Variants in ODF2 observed in about 807,000 individuals in gnomAD.
The protein encoded by ODF2 is outer dense fiber protein 2.
In ODF2, 47 loss-of-function variants were observed where a neutral mutation model predicts 110.2. That is an observed-to-expected ratio of 0.43 (90% CI 0.34 to 0.54). ODF2 has a LOEUF of 0.54. ODF2 is among the 20% of genes least tolerant of loss of function. The pLI is 0.03. For missense variants in ODF2, 812 were observed against 1,054.5 expected (o/e 0.77, Z 3.19); for synonymous variants, 352 against 397.7 (o/e 0.89, Z 1.37).
At chr9:128,475,707 G>A (rs1327704557) in intron 8 of ODF2, among the ~76,000 whole-genome samples, 3 of 151,558 alleles carry the variant, frequency 2.0e-5, no homozygotes, top group East Asian at 1.9e-4. Context: ...GTACAGTGGC[G>A]CGATCTCTGT....
chr9:128,495,647 G>A (rs1249678469), intron 17 of ODF2, among the ~76,000 whole-genome samples: 2 of 152,240 alleles, frequency 1.3e-5, no homozygotes, highest in Non-Finnish European at 2.9e-5. Context: ...CCAGTTAAGA[G>A]GAGGTTGAGA....
At chr9:128,469,123 G>A (rs1036141749) in intron 4 of ODF2, 60 bp from the exon 5 acceptor site, 6 of 1,531,772 alleles carry the variant, frequency 3.9e-6, no homozygotes, top group East Asian at 2.3e-5. Flanking sequence ...CTCCAGTGGT[G>A]GAACTCGTGG....
In ODF2 at chr9:128,461,025, C is replaced by T. The variant is rs752135807; in HGVS notation, c.207C>T (p.Pro69=). The T allele has an allele frequency of 3.1e-6, 5 of 1,614,138 alleles. No individual in the cohort carries two copies. In the East Asian group the frequency reaches 6.7e-5, roughly 22 times the overall value. Residue 69 remains proline (P), a synonymous_variant, in exon 4 of 21, where the codon CCC becomes CCT. Coordinates refer to ENST00000604420, the Ensembl canonical transcript of ODF2. Reference sequence around the variant, plus strand: ...TGAAAACCAAGGTACCTTGGATGCCCCCTGGAAAATCATCTGCCCGGCCTG... The same window carrying T: ...TGAAAACCAAGGTACCTTGGATGCCTCCTGGAAAATCATCTGCCCGGCCTG...
intron 4 of ODF2, among the ~76,000 whole-genome samples, chr9:128,465,566 C>A (rs963711717): frequency 2.6e-5 from 4 of 151,634 alleles, no homozygotes; most frequent in African/African-American, 9.7e-5. Flanking sequence ...CGTGGTGAAA[C>A]CCCATCTCAA....
chr9:128,472,786 G>C, intron 6 of ODF2, 127 bp from the exon 7 acceptor site: 1 of 1,446,796 alleles, frequency 6.9e-7, no homozygotes, highest in Non-Finnish European at 9.4e-7. Flanking sequence ...CAGAAGGGCT[G>C]TCCCTGCCCC....
Position 128,467,499 on chromosome 9 carries a change from C to T in ODF2, c.250-1684C>T, listed in dbSNP as rs556242543. On this transcript the variant is annotated intron_variant, in intron 4 of 20. Coordinates refer to ENST00000604420, the Ensembl canonical transcript of ODF2. ...GTGGCTCATACCTGAAATCCCAGCA[C>T]TTTGGGAGGCCAAGACGGGCTTATC... 7.2e-5 allele frequency among the ~76,000 whole-genome samples: 11 copies of T among 152,090 alleles called. No individual in the cohort carries two copies. The East Asian group carries it at 2.1e-3, about 30-fold the overall frequency.
intron 14 of ODF2, among the ~76,000 whole-genome samples, chr9:128,489,006 C>CAAAAG (rs775943996): frequency 1.3e-5 from 2 of 152,168 alleles, no homozygotes; most frequent in East Asian, 1.9e-4. Context: ...AACTCCGTCT[C>CAAAAG]AAAAGAAAAG....
exon 21 of ODF2, chr9:128,500,088 C>T (rs908210675): frequency 6.2e-6 from 10 of 1,614,126 alleles, no homozygotes; most frequent in African/African-American, 4.0e-5. Context: ...CTACCAGAGC[C>T]GGCTGCAAGA....
At chr9:128,481,418 A>G (rs1188158418) in intron 8 of ODF2, among the ~76,000 whole-genome samples, 162 bp from the exon 9 acceptor site, 1 of 151,998 alleles carries the variant, frequency 6.6e-6, no homozygotes, top group Non-Finnish European at 1.5e-5. Flanking sequence ...ACCAGGCTGC[A>G]GTGAGCCATG....
intron 10 of ODF2, among the ~76,000 whole-genome samples, chr9:128,483,112 T>A (rs1329774401): frequency 6.6e-6 from 1 of 152,082 alleles, no homozygotes; most frequent in Admixed American, 6.6e-5. Context: ...GCCAGGATGG[T>A]CTTGATCTCT....
exon 19 of ODF2, chr9:128,498,566 G>A (rs761722857): frequency 8.9e-6 from 14 of 1,567,220 alleles, no homozygotes; most frequent in Middle Eastern, 1.7e-4. Context: ...TTGAAGATGC[G>A]AGGAGGCAGG....
upstream of ODF2, chr9:128,455,283 G>A (rs1281059542): frequency 1.3e-6 from 2 of 1,504,250 alleles, no homozygotes; most frequent in Non-Finnish European, 1.8e-6. Context: ...CGGGCGCGGA[G>A]GCTCAAGCCT....
intron 8 of ODF2, among the ~76,000 whole-genome samples, chr9:128,480,559 G>A (rs1008994754): frequency 1.3e-5 from 2 of 152,238 alleles, no homozygotes; most frequent in African/African-American, 2.4e-5. Flanking sequence ...GCTCACGCCT[G>A]TAATCCCAGC....
rs188210659 is a variant in ODF2, at chr9:128,484,031, A to G, written c.1081A>G (p.Ser361Gly). 183 of 1,612,456 alleles carry G rather than the reference A, an allele frequency of 1.1e-4. No homozygotes were observed. The East Asian group carries it at 3.5e-3, about 31-fold the overall frequency. ...GCTTCGGTCCAAAGAGGCTGAGAAC[A>G]GTCGCCTGTGCATGCAGATTAAGGT... The change falls in exon 11 of 21, where the codon AGT becomes GGT. Residue 361 changes from serine to glycine, a missense_variant. Physicochemically the swap from Ser to Gly is moderately conservative, Grantham distance 56. This residue lies in a region of ODF2 where 73 missense variants were observed against 71.0 expected (regional missense o/e 1.03). Transcript: ENST00000604420.
Position 128,482,809 on chromosome 9 carries a change from C to T in ODF2, c.916-7C>T, listed in dbSNP as rs1383941985. 1 of 1,613,074 alleles carries T rather than the reference C, an allele frequency of 6.2e-7. No homozygotes were observed. The highest frequency in any genetic ancestry group is 1.3e-5 in the African/African-American group (1 of 74,816). ...AGGGGCACCTGACAGCCTGTGTTCT[C>T]TCCCAGCGCCTGCTGTTACTGCTGC... On this transcript the variant is annotated splice_region_variant and splice_polypyrimidine_tract_variant and intron_variant, in intron 9 of 20. Coordinates refer to ENST00000604420, the Ensembl canonical transcript of ODF2.
intron 2 of ODF2, 84 bp from the exon 2 acceptor site, chr9:128,459,483 A>G (rs1835837083): frequency 5.6e-6 from 6 of 1,064,900 alleles, no homozygotes; most frequent in Non-Finnish European, 8.5e-6. Flanking sequence ...TAGCTACCGT[A>G]GTCAGTGTGT....
At chr9:128,479,910 T>G (rs1842088868) in intron 8 of ODF2, among the ~76,000 whole-genome samples, 1 of 152,104 alleles carries the variant, frequency 6.6e-6, no homozygotes, top group Admixed American at 6.6e-5. Flanking sequence ...AGCTAGATAA[T>G]GGTGATGGTT....
At chr9:128,481,590 G>C in exon 9 of ODF2, 1 of 1,613,716 alleles carries the variant, frequency 6.2e-7, no homozygotes, top group South Asian at 1.1e-5. Context: ...GATTCTGAAA[G>C]ACTAATGGAG....
rs74541078 is a variant in ODF2, at chr9:128,470,718, C to T, written c.421-590C>T. Among the ~76,000 whole-genome samples the T allele has an allele frequency of 5.2e-3, 791 of 152,102 alleles. 3 individuals carry two copies. Among genetic ancestry groups the T allele is most frequent in the African/African-American group, 0.017 (720 of 41,500 alleles). On this transcript the variant is annotated intron_variant, in intron 5 of 20. Coordinates refer to ENST00000604420, the Ensembl canonical transcript of ODF2. ...CTCCTATGGTGTGCCAGCCAAACCA[C>T]GGTTTGCAACCTGGCTTCGTTCCCA...
Sources: allele counts gnomAD v4.1 joint callset (sites outside exome capture counted in the v4.1 genomes callset), GRCh38; gene constraint gnomAD v4.1.1; regional missense constraint gnomAD v4.1.1; transcripts MANE v1.5; gene names NCBI Gene and HGNC (gene_info 2026-07-23, HGNC 2026-07-21).